MUC12: variants seen among roughly 807,000 people sequenced by gnomAD.
MUC12 encodes mucin-12.
A neutral mutation model predicts 230.8 loss-of-function variants in MUC12; 172 were observed. That is an observed-to-expected ratio of 0.75 (90% CI 0.66 to 0.85). The LOEUF (loss-of-function observed/expected upper bound fraction) is 0.85. MUC12 is among the 40% of genes least tolerant of loss of function. The probability of loss-of-function intolerance (pLI) is 0.00; values close to 1 mark genes in which losing one functional copy is unlikely to be tolerated. For synonymous variants in MUC12, 1,259 were observed against 2,401.9 expected (o/e 0.52, Z 13.91); for missense variants, 3,506 against 5,920.6 (o/e 0.59, Z 13.38).
At chr7:101,016,077 G>A (rs1793912780) in intron 10 of MUC12, among the ~76,000 whole-genome samples, 1 of 152,116 alleles carries the variant, frequency 6.6e-6, no homozygotes, top group Non-Finnish European at 1.5e-5. Flanking sequence ...GTAAGCAGGT[G>A]TGCTTCCTCC....
At chr7:101,015,516 G>A in intron 9 of MUC12, 99 bp from the exon 10 acceptor site, 2 of 966,350 alleles carry the variant, frequency 2.1e-6, no homozygotes, top group South Asian at 1.5e-5. Flanking sequence ...CTCGGGGTGT[G>A]GCTGTGACTG....
chr7:100,979,733 G>A (rs906948294), intron 1 of MUC12, among the ~76,000 whole-genome samples: 17 of 151,932 alleles, frequency 1.1e-4, no homozygotes, highest in African/African-American at 4.1e-4. Flanking sequence ...CCAAGATCAC[G>A]CCACTGCGCT....
chr7:100,985,550 CAA>C (rs1001671781), intron 1 of MUC12, among the ~76,000 whole-genome samples: 10 of 152,274 alleles, frequency 6.6e-5, no homozygotes, highest in Admixed American at 2.0e-4. Context: ...TTGTTTCTTC[CAA>C]AGTTAGTTCA....
rs372469159 is a variant in MUC12 at position 100,995,563 on chromosome 7, C to T, written c.5000C>T (p.Thr1667Ile). Residue 1667 changes from threonine to isoleucine, a missense_variant, in exon 2 of 12, where the codon ACT becomes ATT. Coordinates refer to ENST00000536621, the MANE Select transcript of MUC12 (RefSeq NM_001164462.2). ...GCATCTACGCCCGTCCACAGCAGCA[C>T]TGGATCGCCACACACAACACTGTCC... ...LEASTPVHSSTGSPHTTLSPA... is the reference protein window; with the variant it reads ...LEASTPVHSSIGSPHTTLSPA... 1 of 1,536,560 alleles carries T rather than the reference C, an allele frequency of 6.5e-7. No individual in the cohort carries two copies. Among genetic ancestry groups the T allele is most frequent in the African/African-American group, 1.4e-5 (1 of 72,030 alleles).
rs1793406675 is a variant in MUC12 at position 100,994,086 on chromosome 7, C to T, written c.3523C>T (p.His1175Tyr). ...RGSTETTVFP[H>Y]STTTSVHGEE... ...CTCAACTGAAACCACAGTGTTCCCT[C>T]ACAGCACCACAACCTCAGTTCATGG... The change falls in exon 2 of 12, where the codon CAC becomes TAC. Residue 1175 changes from histidine to tyrosine, a missense_variant. Physicochemically the swap from His to Tyr is moderately conservative, Grantham distance 83. Transcript: ENST00000536621. 3 of 1,026,454 alleles carry T rather than the reference C, an allele frequency of 2.9e-6. 1 individual carries two copies. Among genetic ancestry groups the T allele is most frequent in the African/African-American group, 2.1e-5 (1 of 47,184 alleles). The allele number at this position is 1,026,454 out of a possible 1,614,324, so 63.6% of individuals were successfully genotyped here. A position where few individuals can be genotyped will look rare whatever the true frequency, so the allele number is the denominator to read the frequency against.
chr7:100,970,961 C>A (rs1187193272), intron 1 of MUC12, among the ~76,000 whole-genome samples: 1 of 151,806 alleles, frequency 6.6e-6, no homozygotes, highest in Non-Finnish European at 1.5e-5. Flanking sequence ...CGCGCCACTG[C>A]ACTCCAACCT....
rs186422552 is a variant in MUC12, at chr7:101,015,214, C to T, written c.15801-401C>T. The T allele has an allele frequency of 1.2e-4, 27 of 222,222 alleles. No homozygotes were observed. In the East Asian group the frequency reaches 3.0e-3, roughly 25 times the overall value. 13.8% of individuals were successfully genotyped at this position (222,222 alleles called of 1,614,324 possible). A position where few individuals can be genotyped will look rare whatever the true frequency, so the allele number is the denominator to read the frequency against. The stretch of plus-strand genomic sequence containing the variant: ...ATCACTCACCTTGGCCACCACAGAG[C>T]ACAGCACCACATGGGGAAGCTGAGA... On this transcript the variant is annotated intron_variant, in intron 9 of 11. Transcript: ENST00000536621.
Position 101,004,711 on chromosome 7 carries a change from C to A in MUC12, c.14148C>A (p.Ile4716=). The A allele has an allele frequency of 6.5e-7, 1 of 1,537,068 alleles. No individual in the cohort carries two copies. The highest frequency in any genetic ancestry group is 8.7e-7 in the Non-Finnish European group (1 of 1,146,412). ...GRIAESTTFY[I]SPGSMETTLA... ...TTGCAGAATCTACCACCTTCTATAT[C>A]TCTCCAGGCTCAATGGAAACAACAT... The change falls in exon 2 of 12, where the codon ATC becomes ATA. Residue 4716 remains isoleucine, a synonymous_variant. Coordinates refer to ENST00000536621, the MANE Select transcript of MUC12 (RefSeq NM_001164462.2).
intron 5 of MUC12, 98 bp from the exon 6 acceptor site, chr7:101,012,198 A>G: frequency 1.5e-6 from 2 of 1,328,774 alleles, no homozygotes; most frequent in Non-Finnish European, 2.0e-6. Context: ...TCTGGGTCAC[A>G]TGGCAGCTTC....
In MUC12 at chr7:100,992,927, C is replaced by G. The variant is rs1187201809; in HGVS notation, c.2364C>G (p.Thr788=). 6.5e-7 allele frequency: 1 copy of G among 1,537,288 alleles called. No homozygotes were observed. Among genetic ancestry groups the G allele is most frequent in the Non-Finnish European group, 8.7e-7 (1 of 1,146,996 alleles). The change falls in exon 2 of 12, where the codon ACC becomes ACG. Residue 788 remains threonine (T), a synonymous_variant. Coordinates refer to ENST00000536621, the MANE Select transcript of MUC12 (RefSeq NM_001164462.2). ...TAGTCCTACCTGCCCGCTCCACAAC[C>G]TCAGTTCTTCTTGGAGAATCTACGA... ...GTIVLPARST[T]SVLLGESTTS...
At position 100,995,714 on chromosome 7, in the gene MUC12, C is replaced by T. The variant is rs373887154; in HGVS notation, c.5151C>T (p.His1717=). 1,341 of 1,536,872 alleles carry T rather than the reference C, an allele frequency of 8.7e-4. 13 individuals are homozygous for T. In the South Asian group the frequency reaches 8.8e-3, roughly 10 times the overall value. The change falls in exon 2 of 12, where the codon CAC becomes CAT. Residue 1717 remains histidine (H), a synonymous_variant. Coordinates refer to ENST00000536621, the MANE Select transcript of MUC12 (RefSeq NM_001164462.2). The stretch of plus-strand genomic sequence containing the variant: ...TTGTTGAGCTATCTACAACCTCCCA[C>T]GGCAGCCCGAGCTCAACTCCAACAA... The part of the protein sequence containing the change: ...SAFVELSTTS[H]GSPSSTPTTH...
rs1039963887 is a variant in MUC12 at position 101,013,123 on chromosome 7, C to T, written c.15619C>T (p.Arg5207Cys). 2.0e-5 allele frequency: 30 copies of T among 1,537,148 alleles called. No homozygotes were observed. The East Asian group carries it at 5.1e-4, about 26-fold the overall frequency. Residue 5207 changes from arginine (R) to cysteine (C), a missense_variant, in exon 8 of 12, where the codon CGC becomes TGC. By Grantham distance (180) the Arg-to-Cys change is radical. Transcript: ENST00000536621. ...NCNLGTCQLQ[R>C]SGPRCLCPNT... ...TAACCTGGGCACATGTCAGCTGCAA[C>T]GCAGTGGCCCCCGCTGCCTGTGAGT... is the stretch of plus-strand genomic sequence containing the variant.
At chr7:100,975,412 A>G (rs1793011343) in intron 1 of MUC12, among the ~76,000 whole-genome samples, 1 of 152,312 alleles carries the variant, frequency 6.6e-6, no homozygotes, top group African/African-American at 2.4e-5. Context: ...TGGAGGTGAG[A>G]ACAGATTGCT....
In MUC12 at chr7:100,990,851, C is replaced by G. The variant is rs1010715173; in HGVS notation, c.288C>G (p.Phe96Leu). 6 of 1,537,772 alleles carry G rather than the reference C, an allele frequency of 3.9e-6. No individual in the cohort carries two copies. The Admixed American group carries it at 9.8e-5, about 25-fold the overall frequency. Residue 96 changes from phenylalanine to leucine, a missense_variant, in exon 2 of 12, where the codon TTC (phenylalanine) becomes TTG (leucine). Physicochemically the swap from Phe to Leu is conservative, Grantham distance 22. Transcript: ENST00000536621. ...CAGGTGCAACTGGAACAACACTCTT[C>G]CCTTCCCACTCTGCAACCTCAGTTT... ...SGPGATGTTLFPSHSATSVFV... is the reference protein window; with the variant it reads ...SGPGATGTTLLPSHSATSVFV...
At chr7:101,007,515 T>C (rs542885838) in intron 3 of MUC12, among the ~76,000 whole-genome samples, 2 of 152,368 alleles carry the variant, frequency 1.3e-5, no homozygotes, top group Non-Finnish European at 2.9e-5. Flanking sequence ...TTTGTCTTTC[T>C]GTGCCTGGCT....
Position 100,992,387 on chromosome 7 carries a change from C to A in MUC12, c.1824C>A (p.Val608=). The change falls in exon 2 of 12, where the codon GTC becomes GTA. Residue 608 remains valine (V), a synonymous_variant. Transcript: ENST00000536621. ...ASGLLEASMP[V]HSSTRSPHTT... ...GACTCCTTGAAGCATCTATGCCCGT[C>A]CACAGCAGCACCAGATCGCCACACA... 2.0e-6 allele frequency: 3 copies of A among 1,536,946 alleles called. No individual in the cohort carries two copies. Among genetic ancestry groups the A allele is most frequent in the African/African-American group, 1.4e-5 (1 of 73,162 alleles).
chr7:100,983,498 A>G (rs1364798576), intron 1 of MUC12, among the ~76,000 whole-genome samples: 4 of 152,138 alleles, frequency 2.6e-5, no homozygotes, highest in Non-Finnish European at 1.5e-5. Flanking sequence ...GGTAACTAAG[A>G]AAAAGCAGGC....
intron 1 of MUC12, 142 bp downstream of exon 1, chr7:100,969,831 G>A (rs75250895): frequency 1.7e-6 from 2 of 1,171,864 alleles, no homozygotes; most frequent in Non-Finnish European, 1.2e-6. Flanking sequence ...GACCCGTGCT[G>A]TGACCTCATC....
intron 2 of MUC12, among the ~76,000 whole-genome samples, chr7:101,006,269 C>T (rs1028422717): frequency 9.2e-5 from 14 of 152,162 alleles, no homozygotes; most frequent in African/African-American, 3.4e-4. Flanking sequence ...TCTTTTGTTT[C>T]CTTACTCTCT....
Sources: gnomAD v4.1 joint callset for allele counts (sites outside exome capture counted in the v4.1 genomes callset) on GRCh38, gnomAD v4.1.1 for gene constraint, MANE v1.5 for transcripts, NCBI Gene and HGNC (gene_info 2026-07-23, HGNC 2026-07-21) for gene names.